Variants in COL22A1 observed in about 807,000 individuals in gnomAD.
COL22A1 encodes collagen type XXII alpha 1 chain, also known as collagen alpha-1(XXII) chain.
A neutral mutation model predicts 248.9 loss-of-function variants in COL22A1; 221 were observed. The ratio of observed to expected loss-of-function variants is 0.89; its 90% CI spans 0.80 to 0.99. COL22A1 has a LOEUF of 0.99. COL22A1 is among the 50% of genes least tolerant of loss of function. The pLI is 0.00. For synonymous variants in COL22A1, 891 were observed against 793.4 expected (o/e 1.12, Z -2.07); for missense variants, 2,240 against 2,179.0 (o/e 1.03, Z -0.56).
intron 37 of COL22A1, among the ~76,000 whole-genome samples, chr8:138,687,083 A>C (rs572143798): frequency 6.6e-6 from 1 of 152,144 alleles, no homozygotes; most frequent in African/African-American, 2.4e-5. Context: ...CAGCTTCCCA[A>C]GTAGCTGGGA....
rs16909685 is a variant in COL22A1, at chr8:138,847,207, C to G, written c.659-3049G>C. ...TGTATGGCCACTGTCTTTCTAGCTCCAAACCCATAACAGGCCTTCAGCTGT... is the reference window on the plus strand; with the variant it reads ...TGTATGGCCACTGTCTTTCTAGCTCGAAACCCATAACAGGCCTTCAGCTGT... On this transcript the variant is annotated intron_variant, in intron 3 of 64. Coordinates refer to ENST00000303045, the MANE Select transcript of COL22A1 (RefSeq NM_152888.3). Among the ~76,000 whole-genome samples, 881 of 152,318 alleles carry G rather than the reference C, an allele frequency of 5.8e-3. 9 individuals carry two copies. The highest frequency in any genetic ancestry group is 0.018 in the African/African-American group (768 of 41,560).
At position 138,613,932 on chromosome 8, in the gene COL22A1, A is replaced by C. The variant is rs760390206; in HGVS notation, c.3925-12T>G. On this transcript the variant is annotated splice_polypyrimidine_tract_variant and intron_variant, in intron 55 of 64. Transcript: ENST00000303045. ...GGTCCAGTGTCACCCTGGAACAAAG[A>C]CAGAGAGATGGTGTCATCATCAAGT... 3.9e-6 allele frequency: 6 copies of C among 1,557,414 alleles called. No individual in the cohort carries two copies. Among genetic ancestry groups the C allele is most frequent in the Non-Finnish European group, 5.3e-6 (6 of 1,136,430 alleles).
intron 18 of COL22A1, 29 bp downstream of exon 18, chr8:138,760,214 G>T: frequency 6.5e-7 from 1 of 1,544,420 alleles, no homozygotes; most frequent in East Asian, 2.5e-5. Context: ...CCAGGGCACA[G>T]AGCCCTTGAC....
At chr8:138,681,947 G>T (rs944982849) in intron 39 of COL22A1, among the ~76,000 whole-genome samples, 2 of 152,158 alleles carry the variant, frequency 1.3e-5, no homozygotes, top group African/African-American at 4.8e-5. Flanking sequence ...GTTTACAGAG[G>T]TCACCTCACC....
At chr8:138,653,682 G>T (rs1246704398) in intron 45 of COL22A1, among the ~76,000 whole-genome samples, 1 of 152,166 alleles carries the variant, frequency 6.6e-6, no homozygotes, top group African/African-American at 2.4e-5. Flanking sequence ...CCAACTACCA[G>T]AAAGAGATAT....
intron 1 of COL22A1, among the ~76,000 whole-genome samples, chr8:138,891,749 ATAAG>A (rs1825089277): frequency 6.6e-6 from 1 of 152,092 alleles, no homozygotes; most frequent in Admixed American, 6.5e-5. Flanking sequence ...CACTTATTTC[ATAAG>A]TACAGACACA....
At chr8:138,850,168 T>C (rs1821524301) in intron 3 of COL22A1, among the ~76,000 whole-genome samples, 1 of 152,130 alleles carries the variant, frequency 6.6e-6, no homozygotes, top group African/African-American at 2.4e-5. Flanking sequence ...CAGAACTTTC[T>C]GGAGATTCCT....
Position 138,829,403 on chromosome 8 carries a change from G to GTTTTTTTTTTTTTTTTTTT in COL22A1, c.846-2641_846-2623dup, listed in dbSNP as rs765618552. ...CTTTTCTTTATTTCCTTCCTTTCCT[G>GTTTTTTTTTTTTTTTTTTT]TTTTTTTTTTTTTTTTTTTTTGAGA... On this transcript the variant is annotated intron_variant, in intron 5 of 64. Transcript: ENST00000303045. Among the ~76,000 whole-genome samples, 9 of 90,656 alleles carry GTTTTTTTTTTTTTTTTTTT rather than the reference G, an allele frequency of 9.9e-5. 1 individual carries two copies. The highest frequency in any genetic ancestry group is 1.6e-4 in the Admixed American group (1 of 6,170). 59.5% of individuals were successfully genotyped at this position (90,656 alleles called of 152,430 possible). A position where few individuals can be genotyped will look rare whatever the true frequency, so the allele number is the denominator to read the frequency against.
chr8:138,814,798 G>C (rs908134656), intron 7 of COL22A1, among the ~76,000 whole-genome samples: 3 of 152,130 alleles, frequency 2.0e-5, no homozygotes, highest in African/African-American at 7.2e-5. Flanking sequence ...TGCTGGGGGA[G>C]ATGGGATAAC....
chr8:138,631,498 A>G (rs1353371994), intron 49 of COL22A1, among the ~76,000 whole-genome samples: 4 of 152,158 alleles, frequency 2.6e-5, no homozygotes, highest in African/African-American at 9.7e-5. Context: ...TAAATGGACA[A>G]CTCGATTTAT....
intron 25 of COL22A1, among the ~76,000 whole-genome samples, chr8:138,724,225 C>T (rs1330612470): frequency 5.9e-5 from 9 of 152,212 alleles, no homozygotes; most frequent in Non-Finnish European, 1.2e-4. Context: ...TGATCAGGAT[C>T]GTAATGGGAA....
chr8:138,607,749 G>C (rs1818536609), intron 57 of COL22A1, among the ~76,000 whole-genome samples, 187 bp downstream of exon 57: 1 of 152,132 alleles, frequency 6.6e-6, no homozygotes, highest in Non-Finnish European at 1.5e-5. Flanking sequence ...CCAATCGCAT[G>C]ATATATACTT....
intron 47 of COL22A1, among the ~76,000 whole-genome samples, chr8:138,638,165 A>C (rs77069511): frequency 0.029 from 4,480 of 152,294 alleles, 204 homozygotes; most frequent in African/African-American, 0.1. Flanking sequence ...CCAAAGGTTC[A>C]AATTCTTTAA....
intron 1 of COL22A1, among the ~76,000 whole-genome samples, chr8:138,900,866 AAAG>A (rs1477903007): frequency 6.6e-6 from 1 of 152,218 alleles, no homozygotes; most frequent in Non-Finnish European, 1.5e-5. Flanking sequence ...ACAAATAAAT[AAAG>A]AAGATGGTTT....
chr8:138,608,765 C>T (rs1010177080), intron 56 of COL22A1, among the ~76,000 whole-genome samples: 8 of 152,202 alleles, frequency 5.3e-5, no homozygotes, highest in Non-Finnish European at 1.2e-4. Context: ...AGGCTGTGTT[C>T]GTCTCTTCCT....
At chr8:138,823,607 T>C (rs903521046) in intron 6 of COL22A1, among the ~76,000 whole-genome samples, 4 of 152,232 alleles carry the variant, frequency 2.6e-5, no homozygotes, top group African/African-American at 7.2e-5. Context: ...GGTTTCACCA[T>C]GTTGGCCAGG....
At position 138,594,123 on chromosome 8, in the gene COL22A1, C is replaced by G; in HGVS notation, c.4509G>C (p.Gly1503=). ...KSSQGRPGPP[G]PPGKDGLPGR... is the part of the protein sequence containing the mutation. ...CTGGAAGCCCATCTTTTCCAGGGGG[C>G]CCTGGGGGCCCAGGTCTGCCTTGAG... Residue 1503 remains glycine, a synonymous_variant, in exon 63 of 65, where the codon GGG becomes GGC. Transcript: ENST00000303045. 1 of 1,577,722 alleles carries G rather than the reference C, an allele frequency of 6.3e-7. No homozygotes were observed. Among genetic ancestry groups the G allele is most frequent in the Admixed American group, 2.0e-5 (1 of 48,840 alleles).
intron 45 of COL22A1, among the ~76,000 whole-genome samples, chr8:138,651,988 C>T (rs1278950362): frequency 1.3e-5 from 2 of 152,176 alleles, no homozygotes; most frequent in Non-Finnish European, 2.9e-5. Context: ...CCAGAGCTGT[C>T]GGAGACCCAG....
chr8:138,775,908 C>A (rs1450599885), intron 16 of COL22A1, 58 bp downstream of exon 16: 10 of 1,519,704 alleles, frequency 6.6e-6, no homozygotes, highest in Non-Finnish European at 8.2e-6. Flanking sequence ...TGGTTCCATG[C>A]ACCCTCTCCC....
Sources: allele counts gnomAD v4.1 joint callset (sites outside exome capture counted in the v4.1 genomes callset), GRCh38; gene constraint gnomAD v4.1.1; transcripts MANE v1.5; gene names NCBI Gene and HGNC (gene_info 2026-07-23, HGNC 2026-07-21).